KIAA1217: variants seen among roughly 807,000 people sequenced by gnomAD.
KIAA1217 encodes the protein sickle tail protein homolog.
A neutral mutation model predicts 163.9 loss-of-function variants in KIAA1217; 88 were observed. The observed-to-expected ratio is 0.54, with a 90% CI of 0.45 to 0.64. The LOEUF (loss-of-function observed/expected upper bound fraction) is 0.64, where lower values mean the gene tolerates loss of function less well. KIAA1217 is among the 30% of genes least tolerant of loss of function. The pLI is 0.00. For missense variants in KIAA1217, 2,372 were observed against 2,475.0 expected (o/e 0.96, Z 0.88); for synonymous variants, 903 against 923.1 (o/e 0.98, Z 0.39).
At chr10:24,219,176 C>T (rs904361225) in intron 1 of KIAA1217, among the ~76,000 whole-genome samples, 5 of 152,122 alleles carry the variant, frequency 3.3e-5, no homozygotes, top group South Asian at 2.1e-4. Context: ...TGCAGTGGCA[C>T]GATCATAGCT....
chr10:24,373,088 T>G (rs1043325007), intron 2 of KIAA1217, among the ~76,000 whole-genome samples: 1 of 152,306 alleles, frequency 6.6e-6, no homozygotes. Context: ...CTCCTGGGAC[T>G]TATAGTGAAT....
At chr10:24,424,644 G>A (rs868721932) in intron 3 of KIAA1217, among the ~76,000 whole-genome samples, 5 of 152,044 alleles carry the variant, frequency 3.3e-5, no homozygotes, top group African/African-American at 4.8e-5. Context: ...TCACTCTGTC[G>A]CCAGGCTGGA....
chr10:24,440,649 A>G (rs2060422501), intron 5 of KIAA1217, among the ~76,000 whole-genome samples: 1 of 152,210 alleles, frequency 6.6e-6, no homozygotes, highest in African/African-American at 2.4e-5. Flanking sequence ...TCTTACTTCA[A>G]GATGAAACCC....
intron 3 of KIAA1217, among the ~76,000 whole-genome samples, chr10:24,402,830 A>G (rs972472707): frequency 1.3e-5 from 2 of 152,062 alleles, no homozygotes; most frequent in Non-Finnish European, 1.5e-5. Flanking sequence ...TTGTCTTTTC[A>G]TCCTCTGAAG....
intron 2 of KIAA1217, among the ~76,000 whole-genome samples, chr10:24,160,161 C>T (rs544449667): frequency 6.6e-6 from 1 of 152,210 alleles, no homozygotes; most frequent in South Asian, 2.1e-4. Context: ...TCTAACTTTG[C>T]TCTTCTTTTT....
At chr10:23,846,089 A>G (rs1158687028) in intron 1 of KIAA1217, among the ~76,000 whole-genome samples, 3 of 152,140 alleles carry the variant, frequency 2.0e-5, no homozygotes, top group Admixed American at 2.0e-4. Flanking sequence ...CCATTGGTCT[A>G]TATAACTGTT....
intron 2 of KIAA1217, among the ~76,000 whole-genome samples, chr10:24,194,762 ATTT>A (rs762968095): frequency 4.1e-5 from 4 of 97,972 alleles, no homozygotes; most frequent in African/African-American, 7.9e-5. Context: ...AGCCAATTAA[ATTT>A]TTTTTTTTTT....
chr10:24,345,542 T>C (rs1177190644), intron 2 of KIAA1217, among the ~76,000 whole-genome samples: 2 of 152,240 alleles, frequency 1.3e-5, no homozygotes, highest in Non-Finnish European at 2.9e-5. Flanking sequence ...TCAGTCCGAC[T>C]TGATTGAGTG....
chr10:23,735,852 A>T (rs1838766828), intron 1 of KIAA1217, among the ~76,000 whole-genome samples: 4 of 152,242 alleles, frequency 2.6e-5, no homozygotes. Context: ...ACATATAGAC[A>T]TATGAAACAA....
intron 1 of KIAA1217, among the ~76,000 whole-genome samples, chr10:23,886,561 C>T (rs1841183859): frequency 1.3e-5 from 2 of 151,880 alleles, no homozygotes; most frequent in African/African-American, 2.4e-5. Context: ...TTAACAGGCT[C>T]GCTAGGGCGC....
intron 14 of KIAA1217, among the ~76,000 whole-genome samples, chr10:24,529,606 C>T (rs1020783644): frequency 1.2e-4 from 18 of 151,900 alleles, no homozygotes; most frequent in African/African-American, 3.4e-4. Flanking sequence ...CATTTCATCC[C>T]CTAAAGTTCC....
intron 6 of KIAA1217, among the ~76,000 whole-genome samples, chr10:24,484,150 T>G (rs2065042460): frequency 6.8e-6 from 1 of 147,382 alleles, no homozygotes; most frequent in African/African-American, 2.5e-5. Context: ...TATATGTATA[T>G]ATGTATATGT....
chr10:23,702,653 C>T (rs942717009), intron 1 of KIAA1217, among the ~76,000 whole-genome samples: 7 of 143,484 alleles, frequency 4.9e-5, no homozygotes, highest in African/African-American at 1.1e-4. Context: ...GTTTACTTAA[C>T]AGAACAGGAG....
chr10:23,890,806 T>A (rs1383250922), intron 1 of KIAA1217, among the ~76,000 whole-genome samples: 1 of 151,986 alleles, frequency 6.6e-6, no homozygotes, highest in Non-Finnish European at 1.5e-5. Flanking sequence ...CTTACTGATT[T>A]TTTGCCTACT....
intron 2 of KIAA1217, among the ~76,000 whole-genome samples, chr10:24,138,668 A>G (rs1159115783): frequency 6.6e-6 from 1 of 151,800 alleles, no homozygotes; most frequent in Non-Finnish European, 1.5e-5. Context: ...AACCACTCCA[A>G]TGAACATTTA....
At chr10:24,074,381 C>T (rs1564668610) in intron 2 of KIAA1217, among the ~76,000 whole-genome samples, 1 of 150,210 alleles carries the variant, frequency 6.7e-6, no homozygotes, top group Non-Finnish European at 1.5e-5. Flanking sequence ...AAACCAACAA[C>T]AAAAAAAAAC....
intron 2 of KIAA1217, among the ~76,000 whole-genome samples, chr10:24,377,033 A>G (rs12217367): frequency 0.17 from 26,224 of 152,112 alleles, 2,730 homozygotes; most frequent in East Asian, 0.37. Context: ...GAATATTTCT[A>G]TAGGGTCAAT....
intron 2 of KIAA1217, among the ~76,000 whole-genome samples, chr10:24,257,282 A>G (rs1164412646): frequency 6.6e-6 from 1 of 152,160 alleles, no homozygotes; most frequent in African/African-American, 2.4e-5. Flanking sequence ...GATATTTACT[A>G]GAGAAGTGTT....
chr10:23,724,759 AT>A (rs909057399), intron 1 of KIAA1217, among the ~76,000 whole-genome samples: 1 of 152,136 alleles, frequency 6.6e-6, no homozygotes, highest in Non-Finnish European at 1.5e-5. Context: ...CTTCATGTAC[AT>A]TTTTTATTTC....
Sources: allele counts gnomAD v4.1 joint callset (sites outside exome capture counted in the v4.1 genomes callset), GRCh38; gene constraint gnomAD v4.1.1; transcripts MANE v1.5; gene names NCBI Gene and HGNC (gene_info 2026-07-23, HGNC 2026-07-21).